The following CXADR variants were observed in gnomAD, a reference collection of about 807,000 sequenced individuals.
CXADR encodes CXADR cell adhesion molecule, also known as coxsackievirus and adenovirus receptor.
Under a neutral mutation model 40.3 loss-of-function variants are expected in CXADR, and 20 were observed. The observed-to-expected ratio is 0.50, with a 90% CI of 0.35 to 0.72. The LOEUF is 0.72. CXADR is among the 30% of genes least tolerant of loss of function. The pLI, the probability that CXADR is intolerant of heterozygous loss-of-function variation, is 0.01. For synonymous variants in CXADR, 150 were observed against 161.3 expected (o/e 0.93, Z 0.53); for missense variants, 332 against 449.1 (o/e 0.74, Z 2.36).
chr21:17,560,646 C>T lies in CXADR; in HGVS notation c.572-56C>T, dbSNP rs1356950485. 10 of 1,540,984 alleles carry T rather than the reference C, an allele frequency of 6.5e-6. No homozygotes were observed. In the East Asian group the frequency reaches 1.8e-4, roughly 28 times the overall value. ...TGGAGAGGACTATGTTTACTAACAC[C>T]TGATAACAATACATACTATAAAAAT... is the stretch of plus-strand genomic sequence containing the variant. On this transcript the variant is annotated intron_variant, in intron 4 of 6. Transcript: ENST00000284878.
chr21:17,593,307 G>C, exon 8 of CXADR: 1 of 957,500 alleles, frequency 1.0e-6, no homozygotes, highest in Non-Finnish European at 1.4e-6. Context: ...TAGAGCAGCT[G>C]TAAGAACACA....
chr21:17,591,183 G>C (rs912527991), intron 7 of CXADR, among the ~76,000 whole-genome samples: 1 of 151,982 alleles, frequency 6.6e-6, no homozygotes, highest in African/African-American at 2.4e-5. Context: ...AGCCCAGCTG[G>C]GTTTTAAGTC....
In CXADR at chr21:17,532,734, A is replaced by G. The variant is rs1008788886; in HGVS notation, c.44-14293A>G. Among the ~76,000 whole-genome samples, 5 of 152,308 alleles carry G rather than the reference A, an allele frequency of 3.3e-5. No homozygotes were observed. In the East Asian group the frequency reaches 5.8e-4, roughly 18 times the overall value. ...CTTATCAGATGACAGTGAATTGCCT[A>G]CTAGCTACTATTTATTGAAGAGTGA... On this transcript the variant is annotated intron_variant, in intron 1 of 6. Coordinates refer to ENST00000284878, the MANE Select transcript of CXADR (RefSeq NM_001338.5).
chr21:17,524,435 G>T (rs2060571541), intron 1 of CXADR, among the ~76,000 whole-genome samples: 1 of 151,692 alleles, frequency 6.6e-6, no homozygotes, highest in Non-Finnish European at 1.5e-5. Context: ...GGTGGTGTGT[G>T]CCTGTAATCT....
At chr21:17,597,984 CA>C (rs1279965135), downstream of CXADR, among the ~76,000 whole-genome samples, 1 of 152,024 alleles carries the variant, frequency 6.6e-6, no homozygotes, top group Admixed American at 6.6e-5. Context: ...AGGCTCAACT[CA>C]AAAAATCTCT....
intron 1 of CXADR, 33 bp downstream of exon 1, chr21:17,513,205 C>T (rs1258535053): frequency 4.4e-6 from 6 of 1,354,092 alleles, no homozygotes; most frequent in Non-Finnish European, 4.8e-6. Flanking sequence ...TCAGCACCCG[C>T]CCAGCCCGGG....
At chr21:17,529,640 A>G (rs1055702784) in intron 1 of CXADR, among the ~76,000 whole-genome samples, 5 of 152,284 alleles carry the variant, frequency 3.3e-5, no homozygotes, top group Non-Finnish European at 7.4e-5. Context: ...AATTAAGTAC[A>G]TTAATAAAGC....
At chr21:17,546,864 A>G (rs186644388) in intron 1 of CXADR, among the ~76,000 whole-genome samples, 163 bp from the exon 2 acceptor site, 7 of 152,304 alleles carry the variant, frequency 4.6e-5, no homozygotes, top group Admixed American at 3.3e-4. Flanking sequence ...CAAAGGCACA[A>G]ATTAAAAACT....
intron 7 of CXADR, among the ~76,000 whole-genome samples, chr21:17,584,687 T>C (rs1275427541): frequency 3.3e-5 from 5 of 152,068 alleles, no homozygotes; most frequent in African/African-American, 1.2e-4. Context: ...AAAAGTTAGC[T>C]GGACATGGTG....
Position 17,569,353 on chromosome 21 carries a change from G to C in CXADR, c.*3661G>C. On this transcript the variant is annotated 3_prime_UTR_variant, in exon 7 of 7. Coordinates refer to ENST00000284878, the MANE Select transcript of CXADR (RefSeq NM_001338.5). Reference sequence around the variant, plus strand: ...CACAATTTTAACTTCTTAGTGGCTTGTGACATTATATATTATATATATATA... The same window carrying C: ...CACAATTTTAACTTCTTAGTGGCTTCTGACATTATATATTATATATATATA... 11 of 979,396 alleles carry C rather than the reference G, an allele frequency of 1.1e-5. No homozygotes were observed. The highest frequency in any genetic ancestry group is 1.3e-5 in the Non-Finnish European group (11 of 827,684). 60.7% of individuals were successfully genotyped at this position (979,396 alleles called of 1,614,324 possible).
rs1319966905 is a variant in CXADR, at chr21:17,565,836, A to C, written c.*144A>C. The C allele has an allele frequency of 1.4e-5, 18 of 1,320,958 alleles. No homozygotes were observed. Among genetic ancestry groups the C allele is most frequent in the Non-Finnish European group, 1.7e-5 (18 of 1,032,450 alleles). 81.8% of individuals were successfully genotyped at this position (1,320,958 alleles called of 1,614,324 possible). A position where few individuals can be genotyped will look rare whatever the true frequency, so the allele number is the denominator to read the frequency against. On this transcript the variant is annotated 3_prime_UTR_variant, in exon 7 of 7. Coordinates refer to ENST00000284878, the MANE Select transcript of CXADR (RefSeq NM_001338.5). ...AGGAACTGTACGGAATATATTTTTAAAAATTTTTGTTTGGTTATATCGAAA... is the reference window on the plus strand; with the variant it reads ...AGGAACTGTACGGAATATATTTTTACAAATTTTTGTTTGGTTATATCGAAA...
chr21:17,565,165 A>G (rs1394985772), intron 6 of CXADR, among the ~76,000 whole-genome samples: 2 of 152,238 alleles, frequency 1.3e-5, no homozygotes, highest in African/African-American at 2.4e-5. Flanking sequence ...AGAATCATCT[A>G]CATTTGTGTA....
intron 1 of CXADR, among the ~76,000 whole-genome samples, chr21:17,534,075 C>CTATATATATATAT (rs2060717612): frequency 5.2e-5 from 2 of 38,518 alleles, no homozygotes; most frequent in Non-Finnish European, 1.6e-4. Flanking sequence ...TATATACACA[C>CTATATATATATAT]ACACACATAT....
chr21:17,576,378 A>C (rs1379617069), intron 7 of CXADR, among the ~76,000 whole-genome samples: 3 of 152,146 alleles, frequency 2.0e-5, no homozygotes, highest in Non-Finnish European at 4.4e-5. Context: ...TCATGAATAA[A>C]ATAGGATAAT....
At chr21:17,531,384 A>C (rs985119267) in intron 1 of CXADR, among the ~76,000 whole-genome samples, 1 of 151,862 alleles carries the variant, frequency 6.6e-6, no homozygotes, top group Admixed American at 6.6e-5. Context: ...CATTTTGACT[A>C]TTCTGGTGGA....
chr21:17,518,727 T>A, intron 1 of CXADR: 2 of 1,600,894 alleles, frequency 1.2e-6, no homozygotes, highest in South Asian at 2.2e-5. Context: ...TTGGTTTGGC[T>A]TCTGCATGAC....
the CXADR span, chr21:17,609,191 A>T: frequency 1.9e-6 from 3 of 1,579,230 alleles, no homozygotes; most frequent in Non-Finnish European, 2.6e-6. Context: ...AAAACAAAAT[A>T]TAAAAACTGG....
chr21:17,584,978 ATTT>A (rs763906093), intron 7 of CXADR, among the ~76,000 whole-genome samples: 45 of 152,208 alleles, frequency 3.0e-4, no homozygotes, highest in Non-Finnish European at 5.3e-4. Context: ...TTGATGGATG[ATTT>A]ATAAGATGCA....
chr21:17,553,623 TTTTTTTTTTTC>T (rs1018445847), intron 3 of CXADR, among the ~76,000 whole-genome samples: 1 of 141,238 alleles, frequency 7.1e-6, no homozygotes, highest in African/African-American at 3.2e-5. Context: ...TCTTTTTTTT[TTTTTTTTTTTC>T]TTTTTGAGAC....
Sources: gnomAD v4.1 joint callset for allele counts (sites outside exome capture counted in the v4.1 genomes callset) on GRCh38, gnomAD v4.1.1 for gene constraint, MANE v1.5 for transcripts, NCBI Gene and HGNC (gene_info 2026-07-23, HGNC 2026-07-21) for gene names.